The following PAX2 variants were observed in gnomAD, a reference collection of about 807,000 sequenced individuals.
The protein encoded by PAX2 is paired box 2.
A neutral mutation model predicts 41.7 loss-of-function variants in PAX2; 9 were observed. The ratio of observed to expected loss-of-function variants is 0.22; its 90% CI spans 0.13 to 0.38. PAX2 has a LOEUF of 0.38. PAX2 is among the 10% of genes least tolerant of loss of function. PAX2 has a pLI of 1.00. For synonymous variants in PAX2, 221 were observed against 212.7 expected (o/e 1.04, Z -0.34); for missense variants, 418 against 531.6 (o/e 0.79, Z 2.10).
chr10:100,807,792 A>T (rs148876233), intron 6 of PAX2, among the ~76,000 whole-genome samples: 3 of 152,352 alleles, frequency 2.0e-5, no homozygotes, highest in Admixed American at 6.5e-5. Context: ...GCATGCATGC[A>T]CACACGCACC....
At chr10:100,809,052 G>T in intron 6 of PAX2, 58 bp from the exon 7 acceptor site, 1 of 1,561,354 alleles carries the variant, frequency 6.4e-7, no homozygotes. Flanking sequence ...TCTGCACACC[G>T]AGCCCTTTCT....
chr10:100,788,125 T>G (rs1436865762), intron 5 of PAX2, among the ~76,000 whole-genome samples: 2 of 152,172 alleles, frequency 1.3e-5, no homozygotes, highest in Admixed American at 6.5e-5. Flanking sequence ...CTCTCTCACA[T>G]GGATGTGCAA....
intron 7 of PAX2, among the ~76,000 whole-genome samples, chr10:100,820,628 C>T (rs1848348168): frequency 6.6e-6 from 1 of 152,210 alleles, no homozygotes; most frequent in African/African-American, 2.4e-5. Flanking sequence ...GCATGAGAAT[C>T]ACTTGAACCC....
intron 7 of PAX2, among the ~76,000 whole-genome samples, chr10:100,814,345 C>G (rs2133966058): frequency 1.3e-5 from 1 of 79,882 alleles, no homozygotes; most frequent in East Asian, 3.8e-4. Context: ...CAGCGAGACT[C>G]CATCTCAAAA....
At position 100,745,619 on chromosome 10, in the gene PAX2, TG is replaced by T; in HGVS notation, c.-638del. On this transcript the variant is annotated 5_prime_UTR_variant, in exon 1 of 10. Coordinates refer to ENST00000355243, the MANE Select transcript of PAX2 (RefSeq NM_000278.5). ...AGTCTTCTCGCAGCCGCAACCCACCTGGGGCCAGCCCAGAGCTGCCAGCGCC... is the reference window on the plus strand; with the variant it reads ...AGTCTTCTCGCAGCCGCAACCCACCTGGGCCAGCCCAGAGCTGCCAGCGCC... 1 of 349,048 alleles carries T rather than the reference TG, an allele frequency of 2.9e-6. No homozygotes were observed. The highest frequency in any genetic ancestry group is 4.2e-6 in the Non-Finnish European group (1 of 239,366). 21.6% of individuals were successfully genotyped at this position (349,048 alleles called of 1,614,324 possible). A position where few individuals can be genotyped will look rare whatever the true frequency, so the allele number is the denominator to read the frequency against.
At chr10:100,779,430 G>A (rs1589845562) in intron 3 of PAX2, 68 bp from the exon 4 acceptor site, 1 of 1,328,892 alleles carries the variant, frequency 7.5e-7, no homozygotes, top group Non-Finnish European at 1.1e-6. Context: ...CCTTTGCAGG[G>A]CTGGGCTGGA....
In PAX2 at chr10:100,779,517, C is replaced by T. The variant is rs2133894054; in HGVS notation, c.430C>T (p.Gln144Ter). The T allele has an allele frequency of 6.3e-7, 1 of 1,596,006 alleles. No individual in the cohort carries two copies. Among genetic ancestry groups the T allele is most frequent in the South Asian group, 1.1e-5 (1 of 87,210 alleles). ...SINRIIRTKVQQPFHPTPDGA... is the reference protein window; with the variant it reads ...SINRIIRTKV ...TTGCAGAATCATCCGGACCAAAGTT[C>T]AGCAGCCTTTCCACCCAACGCCGGA... Residue 144 changes from glutamine to a stop codon, truncating the protein, a stop_gained, in exon 4 of 10, where the codon CAG becomes TAG. Transcript: ENST00000355243. LOFTEE classifies it high-confidence loss of function.
intron 5 of PAX2, among the ~76,000 whole-genome samples, chr10:100,802,083 A>C (rs1295560777): frequency 6.6e-6 from 1 of 152,202 alleles, no homozygotes; most frequent in Non-Finnish European, 1.5e-5. Context: ...AATGAGGCTG[A>C]ACCCTCCCTC....
At position 100,824,960 on chromosome 10, in the gene PAX2, A is replaced by C. The variant is rs764921688; in HGVS notation, c.1021+211A>C. ...GCAAGCCGGGGAGGAAGCTTGCAGA[A>C]GTGCCCCCTTGTGTGCAACCCACTG... On this transcript the variant is annotated intron_variant, in intron 8 of 9. Coordinates refer to ENST00000355243, the MANE Select transcript of PAX2 (RefSeq NM_000278.5). The surrounding 1 kb of genome is among the most constrained non-coding windows in gnomAD (Gnocchi z 6.6). The C allele has an allele frequency of 6.2e-7, 1 of 1,613,950 alleles. No homozygotes were observed. Among genetic ancestry groups the C allele is most frequent in the African/African-American group, 1.3e-5 (1 of 74,890 alleles).
chr10:100,792,066 C>A (rs890509858), intron 5 of PAX2, among the ~76,000 whole-genome samples: 2 of 152,210 alleles, frequency 1.3e-5, no homozygotes, highest in Admixed American at 1.3e-4. Flanking sequence ...TTGGTCTGAA[C>A]CATGTGGGTG....
At chr10:100,741,239 TG>T (rs910949661), upstream of PAX2, among the ~76,000 whole-genome samples, 2 of 149,732 alleles carry the variant, frequency 1.3e-5, no homozygotes, top group Non-Finnish European at 3.0e-5. Context: ...GCCCAAATAT[TG>T]GGAACAAAAG....
chr10:100,785,610 T>C (rs924537059), intron 5 of PAX2, among the ~76,000 whole-genome samples: 9 of 152,166 alleles, frequency 5.9e-5, no homozygotes, highest in Admixed American at 1.3e-4. Context: ...TTTCCTTAGT[T>C]AGCTACCATC....
chr10:100,759,061 G>C (rs146517231), intron 3 of PAX2, among the ~76,000 whole-genome samples: 1 of 152,160 alleles, frequency 6.6e-6, no homozygotes, highest in South Asian at 2.1e-4. Flanking sequence ...AGGGTTGTTC[G>C]GGATTGGAGC....
Position 100,748,165 on chromosome 10 carries a change from G to A in PAX2, c.44-1581G>A, listed in dbSNP as rs921366573. The A allele has an allele frequency of 3.0e-6, 3 of 985,274 alleles. No homozygotes were observed. The highest frequency in any genetic ancestry group is 1.7e-5 in the African/African-American group (1 of 57,342). 61.0% of individuals were successfully genotyped at this position (985,274 alleles called of 1,614,324 possible). A position where few individuals can be genotyped will look rare whatever the true frequency, so the allele number is the denominator to read the frequency against. ...CCACCCCTTAGACTGGGGCTGAGGG[G>A]CCGGGCCCTGAGCCCGGGGAGGCTG... On this transcript the variant is annotated intron_variant, in intron 1 of 9. Coordinates refer to ENST00000355243, the MANE Select transcript of PAX2 (RefSeq NM_000278.5). The surrounding 1 kb of genome is among the most constrained non-coding windows in gnomAD (Gnocchi z 5.0).
chr10:100,808,494 A>G (rs1053206957), intron 6 of PAX2, among the ~76,000 whole-genome samples: 2 of 152,166 alleles, frequency 1.3e-5, no homozygotes, highest in African/African-American at 4.8e-5. Context: ...CTGCAATAAA[A>G]AGGCAATTAC....
chr10:100,789,013 C>T (rs1176656467), intron 5 of PAX2, among the ~76,000 whole-genome samples: 1 of 152,126 alleles, frequency 6.6e-6, no homozygotes, highest in East Asian at 1.9e-4. Context: ...ATTGCAGGGC[C>T]TCTCTCTGCT....
At chr10:100,788,529 C>T (rs1056253255) in intron 5 of PAX2, among the ~76,000 whole-genome samples, 2 of 152,156 alleles carry the variant, frequency 1.3e-5, no homozygotes, top group East Asian at 1.9e-4. Context: ...GGTGGGTGAG[C>T]GCTCCTTGGT....
At chr10:100,756,558 C>T (rs1359390737) in intron 3 of PAX2, among the ~76,000 whole-genome samples, 1 of 152,122 alleles carries the variant, frequency 6.6e-6, no homozygotes, top group Non-Finnish European at 1.5e-5. Flanking sequence ...TGACTTTGGC[C>T]AACTGTAAAT....
At chr10:100,801,175 C>T (rs1847550158) in intron 5 of PAX2, among the ~76,000 whole-genome samples, 1 of 152,146 alleles carries the variant, frequency 6.6e-6, no homozygotes, top group Non-Finnish European at 1.5e-5. Context: ...CAGCAAATGT[C>T]CCCTTGAGCC....
Sources: allele counts gnomAD v4.1 joint callset (sites outside exome capture counted in the v4.1 genomes callset), GRCh38; gene constraint gnomAD v4.1.1; non-coding constraint Gnocchi (gnomAD v3.1); transcripts MANE v1.5; gene names NCBI Gene and HGNC (gene_info 2026-07-23, HGNC 2026-07-21).